The following MTIF3 variants were observed in gnomAD, a reference collection of about 807,000 sequenced individuals.
MTIF3 encodes the protein translation initiation factor IF-3, mitochondrial.
Under a neutral mutation model 20.7 loss-of-function variants are expected in MTIF3, and 13 were observed. That is an observed-to-expected ratio of 0.63 (90% CI 0.41 to 1.00). The LOEUF is 1.00. MTIF3 is among the 50% of genes least tolerant of loss of function. The probability of loss-of-function intolerance (pLI) is 0.00; values close to 1 mark genes in which losing one functional copy is unlikely to be tolerated. For synonymous variants in MTIF3, 114 were observed against 112.5 expected, an observed-to-expected ratio of 1.01 and a Z score of -0.08; for missense variants, 295 against 324.5, an observed-to-expected ratio of 0.91 and a Z score of 0.70.
At chr13:27,449,293 C>T (rs1020377804) in intron 1 of MTIF3, among the ~76,000 whole-genome samples, 3 of 152,186 alleles carry the variant, frequency 2.0e-5, no homozygotes, top group African/African-American at 7.2e-5. Flanking sequence ...CATCGACCAC[C>T]TCGTTTGGAT....
chr13:27,438,584 C>T (rs1953881444), intron 3 of MTIF3, among the ~76,000 whole-genome samples: 1 of 148,152 alleles, frequency 6.7e-6, no homozygotes, highest in Non-Finnish European at 1.5e-5. Flanking sequence ...CAGCCTTTGC[C>T]TCCTAGGCTC....
Position 27,450,557 on chromosome 13 carries a change from G to A in MTIF3, c.-119C>T, listed in dbSNP as rs12585587. The A allele has an allele frequency of 0.14, 18,970 of 140,340 alleles. 1,445 individuals are homozygous for A. Among genetic ancestry groups the A allele is most frequent in the Non-Finnish European group, 0.16 (10,999 of 68,002 alleles). 8.7% of individuals were successfully genotyped at this position (140,340 alleles called of 1,614,324 possible). Reference sequence around the variant, plus strand: ...ATACTGTAGCGGACGCAAGTACAGCGGATCTGCGGCGAGTCCCCTTCGCTC... The same window carrying A: ...ATACTGTAGCGGACGCAAGTACAGCAGATCTGCGGCGAGTCCCCTTCGCTC... On this transcript the variant is annotated 5_prime_UTR_variant, in exon 1 of 5. Coordinates refer to ENST00000381120, the MANE Select transcript of MTIF3 (RefSeq NM_152912.5).
chr13:27,445,996 G>A (rs1266844176), intron 1 of MTIF3, among the ~76,000 whole-genome samples: 1 of 152,088 alleles, frequency 6.6e-6, no homozygotes, highest in Non-Finnish European at 1.5e-5. Flanking sequence ...TGTTGGGAAT[G>A]AGGGGAAAAT....
chr13:27,443,939 G>A (rs752298390), intron 2 of MTIF3, among the ~76,000 whole-genome samples: 16 of 151,914 alleles, frequency 1.1e-4, no homozygotes, highest in Admixed American at 7.2e-4. Flanking sequence ...GAAAAATGAC[G>A]TAGGTTTTTT....
chr13:27,437,043 G>A (rs924902078), intron 4 of MTIF3, 73 bp downstream of exon 4: 24 of 1,510,230 alleles, frequency 1.6e-5, no homozygotes, highest in Admixed American at 1.1e-4. Context: ...GAGCCACCGC[G>A]CCTGGCCTAC....
chr13:27,446,114 T>C (rs1239094326), intron 1 of MTIF3, among the ~76,000 whole-genome samples: 3 of 152,116 alleles, frequency 2.0e-5, no homozygotes, highest in South Asian at 2.1e-4. Flanking sequence ...TGGAGTGCAG[T>C]GGGGCAATCT....
intron 3 of MTIF3, among the ~76,000 whole-genome samples, chr13:27,438,460 A>G (rs1795319247): frequency 7.0e-6 from 1 of 143,338 alleles, no homozygotes; most frequent in Admixed American, 7.1e-5. Context: ...ACAGCACTCC[A>G]GCCTGGGCAA....
chr13:27,436,582 G>C (rs1427060433), intron 4 of MTIF3, among the ~76,000 whole-genome samples: 1 of 151,934 alleles, frequency 6.6e-6, no homozygotes, highest in Non-Finnish European at 1.5e-5. Context: ...TAAAACAATA[G>C]TATATTGCTT....
intron 1 of MTIF3, among the ~76,000 whole-genome samples, chr13:27,448,988 C>G (rs1007720644): frequency 1.1e-3 from 1 of 898 alleles, no homozygotes; most frequent in African/African-American, 6.0e-3. Flanking sequence ...TTGCAATGAG[C>G]TGAGATCGTG....
At chr13:27,442,664 G>C (rs568107396) in intron 2 of MTIF3, among the ~76,000 whole-genome samples, 1 of 152,252 alleles carries the variant, frequency 6.6e-6, no homozygotes, top group Admixed American at 6.5e-5. Flanking sequence ...CTGGCACCCA[G>C]AAGTTCTCTC....
chr13:27,435,952 T>C (rs1708827541), intron 4 of MTIF3, 59 bp from the exon 5 acceptor site: 1 of 1,418,014 alleles, frequency 7.1e-7, no homozygotes, highest in Non-Finnish European at 9.8e-7. Flanking sequence ...TGCTTTCTAA[T>C]GTTCTGCTTG....
intron 2 of MTIF3, among the ~76,000 whole-genome samples, chr13:27,441,667 C>T (rs1954006172): frequency 6.6e-6 from 1 of 152,180 alleles, no homozygotes; most frequent in South Asian, 2.1e-4. Context: ...CTTAGAAGTA[C>T]AGGCTGAAAG....
At chr13:27,437,001 T>C (rs181351659) in intron 4 of MTIF3, 115 bp downstream of exon 4, 18 of 1,036,006 alleles carry the variant, frequency 1.7e-5, no homozygotes, top group Non-Finnish European at 2.1e-5. Flanking sequence ...TCCGCCCACC[T>C]TGGCCTCCCA....
At chr13:27,443,873 A>G (rs557337348) in intron 2 of MTIF3, among the ~76,000 whole-genome samples, 17 of 152,252 alleles carry the variant, frequency 1.1e-4, no homozygotes, top group African/African-American at 3.4e-4. Flanking sequence ...GTTTTTTTAT[A>G]AGTGTTATTT....
chr13:27,449,166 T>C (rs769458403), intron 1 of MTIF3, among the ~76,000 whole-genome samples: 1 of 152,210 alleles, frequency 6.6e-6, no homozygotes, highest in African/African-American at 2.4e-5. Context: ...AAGACACCTT[T>C]GACGCCTCCA....
chr13:27,440,454 G>T lies in MTIF3; in HGVS notation c.-1-5C>A, dbSNP rs1372508962. The T allele has an allele frequency of 6.3e-7, 1 of 1,581,372 alleles. No homozygotes were observed. Among genetic ancestry groups the T allele is most frequent in the Admixed American group, 1.9e-5 (1 of 54,026 alleles). ...TTTAGAAAAAGAGCAGCCATCCTAAGAAAGTAGTAAGAAGAGTTCATTAAA... is the reference window on the plus strand; with the variant it reads ...TTTAGAAAAAGAGCAGCCATCCTAATAAAGTAGTAAGAAGAGTTCATTAAA... On this transcript the variant is annotated splice_polypyrimidine_tract_variant and splice_region_variant and intron_variant, in intron 2 of 4. Coordinates refer to ENST00000381120, the MANE Select transcript of MTIF3 (RefSeq NM_152912.5).
At chr13:27,447,575 A>G (rs1412287647) in intron 1 of MTIF3, among the ~76,000 whole-genome samples, 1 of 152,218 alleles carries the variant, frequency 6.6e-6, no homozygotes, top group Non-Finnish European at 1.5e-5. Flanking sequence ...TAATTCGATG[A>G]TTACTCAGAC....
At position 27,435,856 on chromosome 13, in the gene MTIF3, C is replaced by A; in HGVS notation, c.656G>T (p.Gly219Val). 3.1e-6 allele frequency: 5 copies of A among 1,613,724 alleles called. No individual in the cohort carries two copies. The highest frequency in any genetic ancestry group is 4.2e-6 in the Non-Finnish European group (5 of 1,179,972). ...IFHQILQTMP[G>V]IATFSSRPQA... ...TGGCCTAGATGAGAATGTAGCTATT[C>A]CAGGCATAGTCTGGAGTATTTGATG... is the stretch of plus-strand genomic sequence containing the variant. Residue 219 changes from glycine (G) to valine (V), a missense_variant, in exon 5 of 5, where the codon GGA becomes GTA. By Grantham distance (109) the Gly-to-Val change is moderately radical. Transcript: ENST00000381120.
intron 1 of MTIF3, among the ~76,000 whole-genome samples, chr13:27,447,198 CAAA>C (rs533396868): frequency 2.4e-5 from 2 of 84,204 alleles, no homozygotes; most frequent in Non-Finnish European, 2.2e-5. Flanking sequence ...TGGGTTAGGC[CAAA>C]AAAAAAAAAA....
Sources: allele counts gnomAD v4.1 joint callset (sites outside exome capture counted in the v4.1 genomes callset), GRCh38; gene constraint gnomAD v4.1.1; transcripts MANE v1.5; gene names NCBI Gene and HGNC (gene_info 2026-07-23, HGNC 2026-07-21).